Variants in ADAMTS6 observed in about 807,000 individuals in gnomAD.
ADAMTS6 encodes the protein ADAM metallopeptidase with thrombospondin type 1 motif 6, also known as A disintegrin and metalloproteinase with thrombospondin motifs 6.
Under a neutral mutation model 144.3 loss-of-function variants are expected in ADAMTS6, and 23 were observed. The ratio of observed to expected loss-of-function variants is 0.16; its 90% CI spans 0.11 to 0.23. The LOEUF is 0.23. Ranked by LOEUF, ADAMTS6 falls within the 10% of genes least tolerant of loss-of-function variation. The pLI is 1.00. For missense variants in ADAMTS6, 999 were observed against 1,379.6 expected (o/e 0.72, Z 4.37); for synonymous variants, 444 against 457.5 (o/e 0.97, Z 0.38).
intron 9 of ADAMTS6, among the ~76,000 whole-genome samples, chr5:65,303,488 CCAAT>C (rs879648682): frequency 6.6e-6 from 1 of 151,930 alleles, no homozygotes; most frequent in Non-Finnish European, 1.5e-5. Flanking sequence ...ATATATTCTT[CCAAT>C]CAGTCACTGA....
At chr5:65,158,861 C>A (rs368414919) in intron 24 of ADAMTS6, among the ~76,000 whole-genome samples, 35 of 152,192 alleles carry the variant, frequency 2.3e-4, no homozygotes, top group African/African-American at 7.9e-4. Flanking sequence ...TTTTTGAAAC[C>A]CTGCTTCTGA....
At chr5:65,367,876 GTGTATATATATA>G (rs1213785880) in intron 7 of ADAMTS6, among the ~76,000 whole-genome samples, 29 of 151,774 alleles carry the variant, frequency 1.9e-4, no homozygotes, top group Non-Finnish European at 2.9e-4. Flanking sequence ...ATATATGTGT[GTGTATATATATA>G]TGTGTATATA....
chr5:65,400,563 C>G (rs1287774325), intron 7 of ADAMTS6, among the ~76,000 whole-genome samples: 1 of 152,038 alleles, frequency 6.6e-6, no homozygotes, highest in Non-Finnish European at 1.5e-5. Flanking sequence ...AGCGACATGC[C>G]TAGGAATAGG....
intron 7 of ADAMTS6, among the ~76,000 whole-genome samples, chr5:65,394,190 T>C (rs1753152490): frequency 1.3e-5 from 2 of 152,226 alleles, no homozygotes; most frequent in African/African-American, 4.8e-5. Flanking sequence ...GTTCCCTTGT[T>C]TCTCTTGCAA....
intron 9 of ADAMTS6, among the ~76,000 whole-genome samples, chr5:65,326,776 G>A (rs1254846632): frequency 2.0e-5 from 3 of 152,114 alleles, no homozygotes; most frequent in African/African-American, 4.8e-5. Flanking sequence ...GAAGAATAGA[G>A]ATCACTGTAT....
intron 14 of ADAMTS6, among the ~76,000 whole-genome samples, chr5:65,257,168 A>G (rs1199346031): frequency 1.3e-5 from 2 of 151,598 alleles, no homozygotes; most frequent in East Asian, 3.9e-4. Flanking sequence ...TGTTCACAGT[A>G]TTACCCTATA....
At chr5:65,434,451 A>T (rs867024149) in intron 7 of ADAMTS6, among the ~76,000 whole-genome samples, 1 of 152,194 alleles carries the variant, frequency 6.6e-6, no homozygotes. Flanking sequence ...TATGGTGTGT[A>T]AATTGTATGG....
intron 7 of ADAMTS6, among the ~76,000 whole-genome samples, chr5:65,419,458 A>G (rs921308017): frequency 5.9e-5 from 9 of 152,200 alleles, no homozygotes; most frequent in African/African-American, 2.2e-4. Flanking sequence ...TATGTTCACT[A>G]CTTGGGTGAC....
At chr5:65,369,567 A>G (rs1256229660) in intron 7 of ADAMTS6, among the ~76,000 whole-genome samples, 1 of 152,118 alleles carries the variant, frequency 6.6e-6, no homozygotes, top group Non-Finnish European at 1.5e-5. Context: ...ATCTTAATAC[A>G]GCAAATGTGA....
chr5:65,374,956 C>T (rs1171704365), intron 7 of ADAMTS6, among the ~76,000 whole-genome samples: 1 of 152,120 alleles, frequency 6.6e-6, no homozygotes, highest in African/African-American at 2.4e-5. Flanking sequence ...AATAATGCCA[C>T]ATATCTACAA....
chr5:65,291,737 T>C (rs1353927958), intron 10 of ADAMTS6, among the ~76,000 whole-genome samples: 3 of 152,156 alleles, frequency 2.0e-5, no homozygotes, highest in African/African-American at 7.2e-5. Flanking sequence ...TAAGCTAATT[T>C]CTCAAGGAAT....
chr5:65,275,354 A>AGAAAG (rs1391161764), intron 11 of ADAMTS6, among the ~76,000 whole-genome samples: 45 of 7,094 alleles, frequency 6.3e-3, no homozygotes, highest in African/African-American at 0.022. Context: ...AAGAAAGAAG[A>AGAAAG]GAAAGAAAGA....
At chr5:65,272,749 G>A (rs970615523) in intron 12 of ADAMTS6, among the ~76,000 whole-genome samples, 15 of 151,608 alleles carry the variant, frequency 9.9e-5, no homozygotes, top group Admixed American at 7.2e-4. Flanking sequence ...GTGAAACCCC[G>A]TCTCTACCGA....
At chr5:65,327,161 C>A (rs1168689129) in intron 9 of ADAMTS6, among the ~76,000 whole-genome samples, 2 of 152,100 alleles carry the variant, frequency 1.3e-5, no homozygotes, top group Non-Finnish European at 2.9e-5. Flanking sequence ...CCCTCTCTTG[C>A]CATGTGGTGC....
chr5:65,154,259 G>A (rs1160741701), intron 24 of ADAMTS6, among the ~76,000 whole-genome samples: 1 of 152,176 alleles, frequency 6.6e-6, no homozygotes, highest in Non-Finnish European at 1.5e-5. Context: ...CAGGGATTTT[G>A]TTCCTTAGAT....
chr5:65,326,330 C>T (rs1003179619), intron 9 of ADAMTS6, among the ~76,000 whole-genome samples: 1 of 152,106 alleles, frequency 6.6e-6, no homozygotes, highest in African/African-American at 2.4e-5. Context: ...GGCTTATAGC[C>T]TATATTAAAC....
chr5:65,184,107 G>A (rs6891430), intron 22 of ADAMTS6, among the ~76,000 whole-genome samples: 27,508 of 151,940 alleles, frequency 0.18, 2,660 homozygotes, highest in Middle Eastern at 0.24. Flanking sequence ...TTTAAAATCC[G>A]ACCAGACCTT....
At chr5:65,425,781 T>C (rs76478295) in intron 7 of ADAMTS6, among the ~76,000 whole-genome samples, 11 of 151,982 alleles carry the variant, frequency 7.2e-5, no homozygotes, top group Non-Finnish European at 1.5e-4. Flanking sequence ...TTTTTTTTTT[T>C]GAGACGGAGT....
intron 7 of ADAMTS6, among the ~76,000 whole-genome samples, chr5:65,413,555 G>C (rs922103904): frequency 1.3e-5 from 2 of 151,946 alleles, no homozygotes; most frequent in African/African-American, 4.8e-5. Flanking sequence ...ATTATATAAT[G>C]CAGCATTCCT....
Sources: allele counts gnomAD v4.1 joint callset (sites outside exome capture counted in the v4.1 genomes callset), GRCh38; gene constraint gnomAD v4.1.1; transcripts MANE v1.5; gene names NCBI Gene and HGNC (gene_info 2026-07-23, HGNC 2026-07-21).